CXCL13: variants seen among roughly 807,000 people sequenced by gnomAD.
The protein encoded by CXCL13 is C-X-C motif chemokine 13.
In CXCL13, 7 loss-of-function variants were observed where a neutral mutation model predicts 12.2. The ratio of observed to expected loss-of-function variants is 0.57; its 90% CI spans 0.33 to 1.07. The LOEUF (loss-of-function observed/expected upper bound fraction) is 1.07. Ranked by LOEUF, CXCL13 falls within the 50% of genes least tolerant of loss-of-function variation. The probability of loss-of-function intolerance (pLI) is 0.04; values close to 1 mark genes in which losing one functional copy is unlikely to be tolerated. For synonymous variants in CXCL13, 47 were observed against 42.4 expected (o/e 1.11, Z -0.42); for missense variants, 113 against 127.4 (o/e 0.89, Z 0.55).
At chr4:77,603,088 T>C (rs926223922), upstream of CXCL13, among the ~76,000 whole-genome samples, 2 of 152,210 alleles carry the variant, frequency 1.3e-5, no homozygotes, top group Non-Finnish European at 1.5e-5. Flanking sequence ...TTTAGGAGTT[T>C]CCTAGGTTTA....
chr4:77,572,898 G>A (rs1200442730), intron 1 of CXCL13, among the ~76,000 whole-genome samples: 3 of 151,110 alleles, frequency 2.0e-5, no homozygotes, highest in African/African-American at 7.4e-5. Context: ...GGAATACTAT[G>A]CAGCCATAAA....
intron 1 of CXCL13, among the ~76,000 whole-genome samples, chr4:77,575,548 T>G (rs1726178840): frequency 6.6e-6 from 1 of 151,886 alleles, no homozygotes; most frequent in African/African-American, 2.4e-5. Context: ...CATGTGGTGT[T>G]TGGTTTTCTG....
At chr4:77,598,462 T>G (rs1222171387) in intron 1 of CXCL13, among the ~76,000 whole-genome samples, 1 of 152,220 alleles carries the variant, frequency 6.6e-6, no homozygotes, top group East Asian at 1.9e-4. Context: ...TATGCTTTTC[T>G]CACCCACTCC....
At chr4:77,554,528 T>G (rs958433324) in intron 1 of CXCL13, among the ~76,000 whole-genome samples, 1 of 152,124 alleles carries the variant, frequency 6.6e-6, no homozygotes, top group Non-Finnish European at 1.5e-5. Context: ...TCTCAGTAGT[T>G]GGTAAAACAG....
At chr4:77,603,887 A>G (rs1011362219), upstream of CXCL13, among the ~76,000 whole-genome samples, 1 of 152,206 alleles carries the variant, frequency 6.6e-6, no homozygotes, top group African/African-American at 2.4e-5. Flanking sequence ...TTCTTCTCCA[A>G]ACAACCCTTT....
At chr4:77,512,679 C>A (rs1724304359) in intron 1 of CXCL13, among the ~76,000 whole-genome samples, 1 of 152,112 alleles carries the variant, frequency 6.6e-6, no homozygotes, top group African/African-American at 2.4e-5. Context: ...TCTCCAAATA[C>A]AGTATTATTC....
chr4:77,515,287 T>C (rs1433884639), intron 1 of CXCL13, among the ~76,000 whole-genome samples: 2 of 152,248 alleles, frequency 1.3e-5, no homozygotes, highest in Admixed American at 6.5e-5. Context: ...CATGGCGATG[T>C]GGGCTCTTTT....
chr4:77,578,394 A>G (rs1482713227), intron 1 of CXCL13, among the ~76,000 whole-genome samples: 1 of 152,204 alleles, frequency 6.6e-6, no homozygotes, highest in African/African-American at 2.4e-5. Flanking sequence ...AGTTAAGATC[A>G]GCCTTCATTC....
At chr4:77,564,137 A>G (rs996523236) in intron 1 of CXCL13, among the ~76,000 whole-genome samples, 1 of 152,222 alleles carries the variant, frequency 6.6e-6, no homozygotes, top group Non-Finnish European at 1.5e-5. Flanking sequence ...AACTCTTTGA[A>G]GTACGAATTT....
intron 1 of CXCL13, among the ~76,000 whole-genome samples, chr4:77,525,004 G>C (rs887094413): frequency 2.6e-5 from 4 of 152,234 alleles, no homozygotes; most frequent in Non-Finnish European, 5.9e-5. Context: ...CAATGCAACA[G>C]TGTTGGGTGG....
intron 1 of CXCL13, among the ~76,000 whole-genome samples, chr4:77,521,549 G>T (rs958500064): frequency 6.6e-6 from 1 of 151,998 alleles, no homozygotes; most frequent in African/African-American, 2.4e-5. Context: ...ATTTCTGTGG[G>T]ATCGGTGGTG....
intron 2 of CXCL13, among the ~76,000 whole-genome samples, chr4:77,609,581 T>G (rs1321645613): frequency 2.0e-5 from 3 of 152,190 alleles, no homozygotes; most frequent in African/African-American, 7.2e-5. Flanking sequence ...GTGCTGGGAT[T>G]ACAGGCATGA....
intron 1 of CXCL13, among the ~76,000 whole-genome samples, chr4:77,513,993 C>T (rs555958670): frequency 8.7e-4 from 132 of 152,136 alleles, no homozygotes; most frequent in African/African-American, 2.9e-3. Context: ...GTGTGATGTT[C>T]CCCTTCCTGT....
At chr4:77,528,682 T>A (rs1424090415) in intron 1 of CXCL13, among the ~76,000 whole-genome samples, 1 of 152,236 alleles carries the variant, frequency 6.6e-6, no homozygotes, top group East Asian at 1.9e-4. Context: ...ATGTTAGCCC[T>A]TTGTCAGATG....
Position 77,537,044 on chromosome 4 carries a change from A to G in CXCL13, c.-43+25256A>G, listed in dbSNP as rs145223875. Among the ~76,000 whole-genome samples, 224 of 152,362 alleles carry G rather than the reference A, an allele frequency of 1.5e-3. 1 individual carries two copies. The highest frequency in any genetic ancestry group is 5.0e-3 in the African/African-American group (209 of 41,590). ...GACAATGGTTCTATAAACAACCTCT[A>G]GATAAATACTATTAGTAGCAATGAC... On this transcript the variant is annotated intron_variant, in intron 1 of 4. Coordinates refer to the CXCL13 transcript ENST00000286758.
intron 1 of CXCL13, among the ~76,000 whole-genome samples, chr4:77,586,557 G>C (rs1045103485): frequency 1.3e-5 from 2 of 152,148 alleles, no homozygotes; most frequent in Non-Finnish European, 2.9e-5. Flanking sequence ...GGACAAGTAA[G>C]AGCAAGCGCC....
chr4:77,556,533 C>A (rs1471935932), intron 1 of CXCL13, among the ~76,000 whole-genome samples: 6 of 151,938 alleles, frequency 3.9e-5, no homozygotes, highest in Non-Finnish European at 8.8e-5. Context: ...GGTAGGTGCA[C>A]AAATGTATAC....
chr4:77,571,768 G>A (rs1158365253), intron 1 of CXCL13, among the ~76,000 whole-genome samples: 2 of 151,896 alleles, frequency 1.3e-5, no homozygotes, highest in East Asian at 3.9e-4. Flanking sequence ...CACTGTGGAA[G>A]CTTTGTTCTT....
At chr4:77,551,769 G>T (rs1251710713) in intron 1 of CXCL13, among the ~76,000 whole-genome samples, 1 of 152,038 alleles carries the variant, frequency 6.6e-6, no homozygotes, top group South Asian at 2.1e-4. Flanking sequence ...GTTTCTCAAA[G>T]ACTTTGTTTA....
Sources: allele counts gnomAD v4.1 joint callset (sites outside exome capture counted in the v4.1 genomes callset), GRCh38; gene constraint gnomAD v4.1.1; transcripts MANE v1.5; gene names NCBI Gene and HGNC (gene_info 2026-07-23, HGNC 2026-07-21).